Variants in SCN2A observed in about 807,000 individuals in gnomAD.
The protein encoded by SCN2A is sodium voltage-gated channel alpha subunit 2.
In SCN2A, 20 loss-of-function variants were observed where a neutral mutation model predicts 188.7. The observed-to-expected ratio is 0.11, with a 90% CI of 0.07 to 0.15. The LOEUF (loss-of-function observed/expected upper bound fraction) is 0.15, where lower values mean the gene tolerates loss of function less well. Ranked by LOEUF, SCN2A falls within the 10% of genes least tolerant of loss-of-function variation. The pLI is 1.00. For missense variants in SCN2A, 1,278 were observed against 2,445.0 expected (o/e 0.52, Z 10.07); for synonymous variants, 804 against 833.1 (o/e 0.97, Z 0.60).
intron 1 of SCN2A, among the ~76,000 whole-genome samples, chr2:165,257,314 A>G (rs1255530457): frequency 6.6e-6 from 1 of 152,190 alleles, no homozygotes; most frequent in African/African-American, 2.4e-5. Flanking sequence ...CTATTGGCAC[A>G]TCCTTTATTT....
chr2:165,344,504 G>A, intron 15 of SCN2A, 51 bp from the exon 16 acceptor site: 2 of 1,220,068 alleles, frequency 1.6e-6, no homozygotes, highest in Non-Finnish European at 2.2e-6. Context: ...TAAAATTGCA[G>A]ATTTTTTTAG....
At chr2:165,333,969 C>A in intron 14 of SCN2A, among the ~76,000 whole-genome samples, 1 of 148,332 alleles carries the variant, frequency 6.7e-6, no homozygotes, top group East Asian at 2.0e-4. Flanking sequence ...AAAAAGGGAG[C>A]ATAAGAAATA....
chr2:165,340,611 T>C (rs758444596), intron 14 of SCN2A, among the ~76,000 whole-genome samples: 90 of 152,220 alleles, frequency 5.9e-4, no homozygotes, highest in Non-Finnish European at 1.0e-3. Flanking sequence ...AACAGAAAAA[T>C]AGATTTTGAA....
At chr2:165,375,095 C>A in intron 22 of SCN2A, 129 bp downstream of exon 22, 1 of 836,088 alleles carries the variant, frequency 1.2e-6, no homozygotes, top group South Asian at 1.6e-5. Flanking sequence ...TAAATGCTGG[C>A]AAGAATGTGA....
chr2:165,387,210 A>C (rs1701922181), intron 26 of SCN2A, among the ~76,000 whole-genome samples, 194 bp downstream of exon 26: 1 of 152,204 alleles, frequency 6.6e-6, no homozygotes, highest in South Asian at 2.1e-4. Context: ...AGTGGAATAC[A>C]AGGAATTTAT....
chr2:165,363,316 G>A (rs1700555953), intron 17 of SCN2A, among the ~76,000 whole-genome samples: 1 of 151,902 alleles, frequency 6.6e-6, no homozygotes, highest in African/African-American at 2.4e-5. Context: ...TTTCCCTTGG[G>A]GTCACCCGAA....
At chr2:165,337,490 C>T (rs1189580513) in intron 14 of SCN2A, among the ~76,000 whole-genome samples, 2 of 151,988 alleles carry the variant, frequency 1.3e-5, no homozygotes, top group African/African-American at 2.4e-5. Flanking sequence ...TGTTAGTGAA[C>T]ATCAACAGGA....
At chr2:165,367,779 C>T (rs1010002842) in intron 19 of SCN2A, among the ~76,000 whole-genome samples, 1 of 152,192 alleles carries the variant, frequency 6.6e-6, no homozygotes, top group Non-Finnish European at 1.5e-5. Flanking sequence ...TCCACTCACT[C>T]ACTGCTCCAC....
chr2:165,278,974 G>A (rs1182742077), intron 1 of SCN2A, among the ~76,000 whole-genome samples: 1 of 151,854 alleles, frequency 6.6e-6, no homozygotes, highest in Non-Finnish European at 1.5e-5. Context: ...AAGAAAGAAA[G>A]GCAGGCAGGC....
At chr2:165,332,708 G>A (rs1416954757) in intron 14 of SCN2A, among the ~76,000 whole-genome samples, 1 of 151,910 alleles carries the variant, frequency 6.6e-6, no homozygotes, top group Non-Finnish European at 1.5e-5. Flanking sequence ...AAAAAAGCAG[G>A]GTGGTGGGGT....
intron 25 of SCN2A, among the ~76,000 whole-genome samples, chr2:165,383,158 C>T (rs768209741): frequency 2.0e-5 from 3 of 151,668 alleles, no homozygotes; most frequent in African/African-American, 2.4e-5. Flanking sequence ...GTTAATGCAA[C>T]GGATAGTAAT....
chr2:165,326,672 A>C (rs748893691), intron 12 of SCN2A, among the ~76,000 whole-genome samples, 180 bp from the exon 13 acceptor site: 50 of 152,180 alleles, frequency 3.3e-4, no homozygotes, highest in Admixed American at 5.9e-4. Context: ...CCAAAAGCTG[A>C]AAATCTGACA....
chr2:165,279,947 T>C (rs1695513026), intron 1 of SCN2A, among the ~76,000 whole-genome samples: 2 of 152,182 alleles, frequency 1.3e-5, no homozygotes, highest in Non-Finnish European at 2.9e-5. Flanking sequence ...GGAGTTTCCG[T>C]GCACGAGCCC....
intron 11 of SCN2A, among the ~76,000 whole-genome samples, chr2:165,321,437 G>A (rs543413960): frequency 1.1e-4 from 17 of 152,166 alleles, no homozygotes; most frequent in South Asian, 2.1e-4. Context: ...TTTCAGCAGC[G>A]TCCCACTCCT....
At chr2:165,379,823 TTAAC>T (rs1454595603) in intron 23 of SCN2A, among the ~76,000 whole-genome samples, 1 of 151,746 alleles carries the variant, frequency 6.6e-6, no homozygotes, top group Non-Finnish European at 1.5e-5. Flanking sequence ...CAGGGATTGG[TTAAC>T]TGAGTTGGTT....
chr2:165,387,046 G>A, intron 26 of SCN2A, 30 bp downstream of exon 26: 1 of 1,603,348 alleles, frequency 6.2e-7, no homozygotes, highest in Non-Finnish European at 8.5e-7. Flanking sequence ...TTCAGTTAAG[G>A]AATATAGTGG....
chr2:165,323,407 T>C lies in SCN2A; in HGVS notation c.1923T>C (p.Asn641=), dbSNP rs780183614. 3.1e-6 allele frequency: 5 copies of C among 1,614,082 alleles called. No homozygotes were observed. Among genetic ancestry groups the C allele is most frequent in the Middle Eastern group, 1.6e-4 (1 of 6,062 alleles). The change falls in exon 12 of 27, where the codon AAT becomes AAC. Residue 641 remains asparagine (N), a synonymous_variant. Transcript: ENST00000375437. ...GGGTGCTCCCCATCCTGCCCATGAA[T>C]GGGAAGATGCATAGCGCTGTGGACT... The part of the protein sequence containing the change: ...ASRVLPILPM[N]GKMHSAVDCN...
chr2:165,389,868 C>T lies in SCN2A; in HGVS notation c.*44C>T. 6.4e-7 allele frequency: 1 copy of T among 1,550,668 alleles called. No individual in the cohort carries two copies. Among genetic ancestry groups the T allele is most frequent in the Non-Finnish European group, 8.7e-7 (1 of 1,150,846 alleles). On this transcript the variant is annotated 3_prime_UTR_variant, in exon 27 of 27. Coordinates refer to ENST00000375437, the MANE Select transcript of SCN2A (RefSeq NM_001040142.2). The surrounding 1 kb of genome is among the most constrained non-coding windows in gnomAD (Gnocchi z 4.2). ...CCATTTTGTGATCAATTGTTTACAG[C>T]CCGTGATGGTGATGTGTTTGTGTCA...
chr2:165,266,352 A>G (rs1694862528), intron 1 of SCN2A: 1 of 152,040 alleles, frequency 6.6e-6, no homozygotes, highest in South Asian at 2.1e-4. Flanking sequence ...TCTTTCTCCA[A>G]TATCTTAAGG....
Sources: gnomAD v4.1 joint callset for allele counts (sites outside exome capture counted in the v4.1 genomes callset) on GRCh38, gnomAD v4.1.1 for gene constraint, Gnocchi (gnomAD v3.1) non-coding constraint, MANE v1.5 for transcripts, NCBI Gene and HGNC (gene_info 2026-07-23, HGNC 2026-07-21) for gene names.